Variants in WDR27 observed in about 807,000 individuals in gnomAD.
WDR27 encodes the protein WD repeat-containing protein 27.
A neutral mutation model predicts 114.4 loss-of-function variants in WDR27; 100 were observed. That is an observed-to-expected ratio of 0.87 (90% confidence interval 0.74 to 1.03). The LOEUF (loss-of-function observed/expected upper bound fraction) is 1.03, where lower values mean the gene tolerates loss of function less well. Ranked by LOEUF, WDR27 falls within the 50% of genes least tolerant of loss-of-function variation. The probability of loss-of-function intolerance (pLI) is 0.00; values close to 1 mark genes in which losing one functional copy is unlikely to be tolerated. For missense variants in WDR27, 1,129 were observed against 1,092.9 expected (o/e 1.03, Z -0.47); for synonymous variants, 449 against 423.1 (o/e 1.06, Z -0.75).
intron 21 of WDR27, among the ~76,000 whole-genome samples, chr6:169,616,894 G>GA (rs1811943768): frequency 6.6e-6 from 1 of 152,096 alleles, no homozygotes; most frequent in South Asian, 2.1e-4. Flanking sequence ...AGCTTGGGTT[G>GA]AAAAACATCA....
chr6:169,452,489 GGACGTGGGGT>G (rs1293890864), downstream of WDR27, among the ~76,000 whole-genome samples: 8 of 151,544 alleles, frequency 5.3e-5, no homozygotes, highest in African/African-American at 1.9e-4. Flanking sequence ...ACGCAGCCCC[GGACGTGGGGT>G]CAGAGAGGAG....
intron 25 of WDR27, among the ~76,000 whole-genome samples, chr6:169,471,083 G>A (rs1185355826): frequency 2.0e-5 from 3 of 152,008 alleles, no homozygotes; most frequent in African/African-American, 7.2e-5. Flanking sequence ...TTAGAGGCTA[G>A]CTAGTTGAGT....
At chr6:169,528,173 T>C (rs1380100497) in intron 25 of WDR27, among the ~76,000 whole-genome samples, 1 of 152,200 alleles carries the variant, frequency 6.6e-6, no homozygotes, top group African/African-American at 2.4e-5. Context: ...AATAAAGTTC[T>C]TCTACATCTA....
chr6:169,512,402 G>T (rs971433905), intron 25 of WDR27, among the ~76,000 whole-genome samples: 1 of 152,170 alleles, frequency 6.6e-6, no homozygotes, highest in African/African-American at 2.4e-5. Flanking sequence ...TTTTTAAAGG[G>T]TTCTTTATCC....
At chr6:169,485,287 AT>A (rs748266549) in intron 25 of WDR27, among the ~76,000 whole-genome samples, 1 of 152,222 alleles carries the variant, frequency 6.6e-6, no homozygotes, top group Non-Finnish European at 1.5e-5. Flanking sequence ...GTCTAATAAA[AT>A]CCAGCATCCG....
chr6:169,626,665 G>A (rs1049335773), intron 21 of WDR27, among the ~76,000 whole-genome samples: 3 of 152,204 alleles, frequency 2.0e-5, no homozygotes, highest in Non-Finnish European at 2.9e-5. Flanking sequence ...AGTCCGCACC[G>A]TGCAGCTCAG....
In WDR27 at chr6:169,688,736, A is replaced by C; in HGVS notation, c.189+81T>G. 3 of 998,860 alleles carry C rather than the reference A, an allele frequency of 3.0e-6. No homozygotes were observed. The East Asian group carries it at 8.5e-5, about 28-fold the overall frequency. 61.9% of individuals were successfully genotyped at this position (998,860 alleles called of 1,614,324 possible). A position where few individuals can be genotyped will look rare whatever the true frequency, so the allele number is the denominator to read the frequency against. On this transcript the variant is annotated intron_variant, in intron 2 of 25. Coordinates refer to ENST00000448612, the MANE Select transcript of WDR27 (RefSeq NM_182552.5). ...GTTGGTAGCTGAATCCACAGAGGGT[A>C]ATGCTGTCCGAACAGCATCAAAGAC... is the stretch of plus-strand genomic sequence containing the variant.
the WDR27 span, among the ~76,000 whole-genome samples, chr6:169,429,598 C>G: frequency 6.6e-6 from 1 of 152,136 alleles, no homozygotes; most frequent in Non-Finnish European, 1.5e-5. Context: ...AGTTGGAAAC[C>G]AGCGAATTCC....
chr6:169,647,182 A>G (rs1449388950), intron 16 of WDR27, among the ~76,000 whole-genome samples: 1 of 152,198 alleles, frequency 6.6e-6, no homozygotes, highest in Non-Finnish European at 1.5e-5. Context: ...CACTATTTAG[A>G]AAAAAGTGCT....
chr6:169,444,884 C>G, the WDR27 span, among the ~76,000 whole-genome samples: 1 of 152,148 alleles, frequency 6.6e-6, no homozygotes, highest in African/African-American at 2.4e-5. Context: ...AGAGGCTGCA[C>G]AGCCCTCTGT....
chr6:169,534,002 C>T (rs940650743), intron 25 of WDR27, among the ~76,000 whole-genome samples: 4 of 152,204 alleles, frequency 2.6e-5, no homozygotes, highest in African/African-American at 9.7e-5. Context: ...AGCCGAAAAC[C>T]ATTAAGACTG....
chr6:169,652,436 A>G (rs1562821868), intron 13 of WDR27, among the ~76,000 whole-genome samples: 1 of 152,290 alleles, frequency 6.6e-6, no homozygotes, highest in South Asian at 2.1e-4. Flanking sequence ...TTTAATAGAG[A>G]GGGGGTTTCA....
intron 21 of WDR27, among the ~76,000 whole-genome samples, chr6:169,613,931 T>G (rs186958809): frequency 6.6e-5 from 10 of 152,286 alleles, no homozygotes; most frequent in Non-Finnish European, 1.2e-4. Context: ...AAGACCAAGA[T>G]AGTAATACAC....
At chr6:169,678,268 TG>T (rs1243337648) in intron 2 of WDR27, among the ~76,000 whole-genome samples, 1 of 152,212 alleles carries the variant, frequency 6.6e-6, no homozygotes, top group East Asian at 1.9e-4. Context: ...CCCCAGGCCT[TG>T]GGAGTCCACC....
chr6:169,500,096 G>A (rs1175283652), intron 25 of WDR27, among the ~76,000 whole-genome samples: 3 of 152,224 alleles, frequency 2.0e-5, no homozygotes, highest in African/African-American at 4.8e-5. Context: ...GAAACGTGGA[G>A]CGCTACTCAG....
chr6:169,435,404 G>A, the WDR27 span, among the ~76,000 whole-genome samples: 15 of 152,298 alleles, frequency 9.8e-5, 1 homozygote, highest in Admixed American at 3.9e-4. Flanking sequence ...AACTTGCACC[G>A]TGCTCCTGGA....
rs200057779 is a variant in WDR27 at position 169,670,662 on chromosome 6, C to A, written c.363G>T (p.Ser121=). 3.1e-6 allele frequency: 5 copies of A among 1,613,834 alleles called. No individual in the cohort carries two copies. The highest frequency in any genetic ancestry group is 4.2e-6 in the Non-Finnish European group (5 of 1,179,904). ...GTAAACACAGCACCTTTCCCAAAAG[C>A]GAGCCCATGACAGTCCCTCGAGGGA... is the stretch of plus-strand genomic sequence containing the variant. The part of the protein sequence containing the change: ...GLVPRGTVMG[S]LLGKVLCLQL... Residue 121 remains serine (S), a synonymous_variant, in exon 4 of 26, where the codon TCG becomes TCT. Coordinates refer to ENST00000448612, the MANE Select transcript of WDR27 (RefSeq NM_182552.5).
rs1296878043 is a variant in WDR27, at chr6:169,551,737, CAAA to C, written c.2645+20679_2645+20681del. On this transcript the variant is annotated intron_variant, in intron 25 of 25. Coordinates refer to ENST00000448612, the MANE Select transcript of WDR27 (RefSeq NM_182552.5). ...GGGCAATAAGAGCGAGACTCCATCT[CAAA>C]AAAAAAAAAAAAAAAGAAAAAGAAA... Among the ~76,000 whole-genome samples, 44 of 60,704 alleles carry C rather than the reference CAAA, an allele frequency of 7.2e-4. No homozygotes were observed. In the East Asian group the frequency reaches 1.0e-2, roughly 14 times the overall value. 39.8% of individuals were successfully genotyped at this position (60,704 alleles called of 152,430 possible).
chr6:169,573,172 C>G (rs1312942376), intron 24 of WDR27, among the ~76,000 whole-genome samples: 6 of 152,096 alleles, frequency 3.9e-5, no homozygotes, highest in Non-Finnish European at 8.8e-5. Context: ...CTGAAACTCT[C>G]CGAGAACCCC....
Sources: gnomAD v4.1 joint callset for allele counts (sites outside exome capture counted in the v4.1 genomes callset) on GRCh38, gnomAD v4.1.1 for gene constraint, MANE v1.5 for transcripts, NCBI Gene and HGNC (gene_info 2026-07-23, HGNC 2026-07-21) for gene names.